Variants in GRIN2A observed in about 807,000 individuals in gnomAD.
GRIN2A encodes glutamate ionotropic receptor NMDA type subunit 2A.
Under a neutral mutation model 113.4 loss-of-function variants are expected in GRIN2A, and 22 were observed. That is an observed-to-expected ratio of 0.19 (90% CI 0.14 to 0.28). GRIN2A has a LOEUF of 0.28. GRIN2A is among the 10% of genes least tolerant of loss of function. The pLI is 1.00. For missense variants in GRIN2A, 1,502 were observed against 1,887.0 expected (o/e 0.80, Z 3.78); for synonymous variants, 827 against 738.4 (o/e 1.12, Z -1.94).
chr16:9,915,000 G>A (rs1475447680), intron 3 of GRIN2A, among the ~76,000 whole-genome samples: 1 of 125,058 alleles, frequency 8.0e-6, no homozygotes, highest in African/African-American at 3.1e-5. Flanking sequence ...GCAGTGGCGC[G>A]ATCTCGTCTC....
At chr16:9,850,888 C>T (rs1223354349) in intron 4 of GRIN2A, among the ~76,000 whole-genome samples, 5 of 152,156 alleles carry the variant, frequency 3.3e-5, no homozygotes, top group East Asian at 1.9e-4. Flanking sequence ...TTCACATACA[C>T]GCTGGGAGGA....
At chr16:9,837,464 C>A (rs2042601126) in intron 7 of GRIN2A, among the ~76,000 whole-genome samples, 3 of 152,096 alleles carry the variant, frequency 2.0e-5, no homozygotes, top group African/African-American at 7.2e-5. Flanking sequence ...TATTCACGAC[C>A]CATTTTCATA....
At chr16:9,908,287 C>T (rs1408077258) in intron 3 of GRIN2A, among the ~76,000 whole-genome samples, 2 of 152,002 alleles carry the variant, frequency 1.3e-5, no homozygotes, top group Admixed American at 6.6e-5. Flanking sequence ...GCAAGGTCAC[C>T]CTCTTGGTGG....
intron 2 of GRIN2A, among the ~76,000 whole-genome samples, chr16:9,947,021 T>C (rs530598630): frequency 1.5e-4 from 23 of 152,340 alleles, no homozygotes; most frequent in African/African-American, 5.1e-4. Context: ...AGATTACTGA[T>C]GCCACTTTGG....
intron 11 of GRIN2A, among the ~76,000 whole-genome samples, chr16:9,780,686 C>G (rs555146411): frequency 6.6e-6 from 1 of 151,872 alleles, no homozygotes; most frequent in African/African-American, 2.4e-5. Flanking sequence ...TGCAATATAA[C>G]GAATGTATGT....
chr16:10,072,098 G>A (rs1005009399), intron 2 of GRIN2A, among the ~76,000 whole-genome samples: 6 of 152,194 alleles, frequency 3.9e-5, no homozygotes, highest in Admixed American at 6.5e-5. Flanking sequence ...CTGGGGACTT[G>A]GAAACATCCA....
chr16:10,022,287 A>G (rs1309315589), intron 2 of GRIN2A, among the ~76,000 whole-genome samples: 1 of 152,040 alleles, frequency 6.6e-6, no homozygotes, highest in Non-Finnish European at 1.5e-5. Context: ...ACAGAGTCAC[A>G]CACATGCATA....
intron 2 of GRIN2A, among the ~76,000 whole-genome samples, chr16:10,001,798 T>C (rs779479612): frequency 6.6e-6 from 1 of 152,152 alleles, no homozygotes; most frequent in Non-Finnish European, 1.5e-5. Context: ...AACGGGAAAT[T>C]ATGGCAGTTA....
chr16:9,942,031 C>T (rs991248397), intron 2 of GRIN2A, among the ~76,000 whole-genome samples: 1 of 152,166 alleles, frequency 6.6e-6, no homozygotes, highest in African/African-American at 2.4e-5. Flanking sequence ...TTAAATGATT[C>T]TCTTGTATCA....
intron 11 of GRIN2A, among the ~76,000 whole-genome samples, chr16:9,791,702 C>G (rs926090462): frequency 3.3e-5 from 5 of 151,994 alleles, no homozygotes; most frequent in African/African-American, 9.7e-5. Flanking sequence ...GATACAAGGA[C>G]TTCTGTGACC....
At chr16:10,138,063 A>G (rs920308921) in intron 2 of GRIN2A, among the ~76,000 whole-genome samples, 40 of 152,192 alleles carry the variant, frequency 2.6e-4, no homozygotes, top group African/African-American at 8.7e-4. Flanking sequence ...ATCCACTCCT[A>G]GACCCTAGTT....
intron 4 of GRIN2A, among the ~76,000 whole-genome samples, chr16:9,851,571 G>A (rs1261268083): frequency 6.6e-6 from 1 of 152,170 alleles, no homozygotes; most frequent in Non-Finnish European, 1.5e-5. Flanking sequence ...AAATATACAA[G>A]TGTTTCCTTT....
chr16:10,060,405 T>A (rs2047531301), intron 2 of GRIN2A, among the ~76,000 whole-genome samples: 1 of 152,180 alleles, frequency 6.6e-6, no homozygotes, highest in East Asian at 1.9e-4. Context: ...ATAAGAAAAT[T>A]AAGGCTCAGC....
chr16:9,770,858 T>A (rs1901231884), intron 11 of GRIN2A, among the ~76,000 whole-genome samples: 5 of 152,210 alleles, frequency 3.3e-5, no homozygotes, highest in Admixed American at 3.3e-4. Context: ...ATATACTACC[T>A]CTCCCCGCTC....
chr16:9,768,799 G>C, intron 12 of GRIN2A, 52 bp downstream of exon 12: 3 of 1,207,606 alleles, frequency 2.5e-6, no homozygotes, highest in Non-Finnish European at 3.7e-6. Flanking sequence ...GAACCCAAGC[G>C]CTTTTCTAAA....
intron 11 of GRIN2A, among the ~76,000 whole-genome samples, chr16:9,773,402 T>C (rs776081176): frequency 6.6e-6 from 1 of 152,216 alleles, no homozygotes; most frequent in Non-Finnish European, 1.5e-5. Flanking sequence ...CTCTATGATA[T>C]TTATTCTGCT....
intron 4 of GRIN2A, among the ~76,000 whole-genome samples, chr16:9,876,150 T>G (rs530498329): frequency 2.6e-5 from 4 of 152,242 alleles, no homozygotes; most frequent in Admixed American, 2.6e-4. Context: ...CCTCGTGGCT[T>G]GGATACAATC....
intron 8 of GRIN2A, among the ~76,000 whole-genome samples, chr16:9,832,411 T>C (rs984727317): frequency 6.6e-6 from 1 of 152,158 alleles, no homozygotes; most frequent in African/African-American, 2.4e-5. Flanking sequence ...TTGGACCATC[T>C]TATCTAACGT....
intron 2 of GRIN2A, among the ~76,000 whole-genome samples, chr16:10,040,670 CAT>C (rs1826194923): frequency 6.6e-6 from 1 of 151,954 alleles, no homozygotes; most frequent in African/African-American, 2.4e-5. Context: ...CACACACTCA[CAT>C]GTGCACACAC....
Sources: gnomAD v4.1 joint callset for allele counts (sites outside exome capture counted in the v4.1 genomes callset) on GRCh38, gnomAD v4.1.1 for gene constraint, MANE v1.5 for transcripts, NCBI Gene and HGNC (gene_info 2026-07-23, HGNC 2026-07-21) for gene names.